The following ABCC9 variants were observed in gnomAD, a reference collection of about 807,000 sequenced individuals.
ABCC9 encodes the protein ATP-binding cassette sub-family C member 9.
In ABCC9, 95 loss-of-function variants were observed where a neutral mutation model predicts 188.3. That is an observed-to-expected ratio of 0.50 (90% confidence interval 0.43 to 0.60). The LOEUF is 0.60. ABCC9 is among the 20% of genes least tolerant of loss of function. The pLI is 0.00. For missense variants in ABCC9, 1,102 were observed against 1,876.3 expected (o/e 0.59, Z 7.62); for synonymous variants, 659 against 652.7 (o/e 1.01, Z -0.15).
At chr12:21,842,576 C>T in intron 28 of ABCC9, 105 bp from the exon 29 acceptor site, 1 of 1,133,904 alleles carries the variant, frequency 8.8e-7, no homozygotes. Context: ...AGTTAACTAC[C>T]AAAGTAGTGT....
At chr12:21,898,273 A>T (rs1193328748) in intron 12 of ABCC9, among the ~76,000 whole-genome samples, 1 of 152,240 alleles carries the variant, frequency 6.6e-6, no homozygotes, top group African/African-American at 2.4e-5. Context: ...TACTCTCAAT[A>T]TATCTTTGTT....
intron 14 of ABCC9, among the ~76,000 whole-genome samples, chr12:21,891,000 A>T (rs531245602): frequency 6.6e-6 from 1 of 152,218 alleles, no homozygotes; most frequent in South Asian, 2.1e-4. Flanking sequence ...AAAAATCTTT[A>T]CTGACCAGAT....
intron 36 of ABCC9, among the ~76,000 whole-genome samples, chr12:21,810,593 A>T (rs1942168738): frequency 6.6e-6 from 1 of 152,034 alleles, no homozygotes; most frequent in African/African-American, 2.4e-5. Flanking sequence ...ATCAGATCTC[A>T]TGAGAACTCA....
intron 24 of ABCC9, among the ~76,000 whole-genome samples, chr12:21,850,106 C>A (rs77732183): frequency 1.3e-5 from 2 of 151,190 alleles, no homozygotes; most frequent in African/African-American, 4.9e-5. Context: ...AGCTGGACAA[C>A]GCACTGTTGC....
chr12:21,866,661 A>C (rs1166236330), intron 18 of ABCC9, among the ~76,000 whole-genome samples: 2 of 152,204 alleles, frequency 1.3e-5, no homozygotes, highest in Non-Finnish European at 2.9e-5. Context: ...TAATAAATGC[A>C]AGGGTCACGG....
chr12:21,853,289 C>T (rs1451690862), intron 22 of ABCC9, among the ~76,000 whole-genome samples: 1 of 152,078 alleles, frequency 6.6e-6, no homozygotes, highest in Non-Finnish European at 1.5e-5. Flanking sequence ...GAGATTGCGC[C>T]ACTGCACTCC....
intron 12 of ABCC9, among the ~76,000 whole-genome samples, chr12:21,902,535 A>G (rs1363133778): frequency 6.6e-6 from 1 of 152,180 alleles, no homozygotes; most frequent in East Asian, 1.9e-4. Flanking sequence ...GATCAACAAA[A>G]TAGATAGACC....
intron 7 of ABCC9, among the ~76,000 whole-genome samples, chr12:21,914,151 C>T (rs1282315611): frequency 6.6e-6 from 1 of 152,106 alleles, no homozygotes; most frequent in East Asian, 1.9e-4. Context: ...CATCATTTAC[C>T]ATAAATGTTT....
At chr12:21,907,410 T>C (rs931623163) in intron 11 of ABCC9, among the ~76,000 whole-genome samples, 3 of 152,048 alleles carry the variant, frequency 2.0e-5, no homozygotes, top group Admixed American at 6.6e-5. Flanking sequence ...ATTTTATGCC[T>C]GATTTACAGA....
intron 31 of ABCC9, among the ~76,000 whole-genome samples, chr12:21,821,420 T>C (rs1943031254): frequency 6.6e-6 from 1 of 152,014 alleles, no homozygotes; most frequent in Non-Finnish European, 1.5e-5. Flanking sequence ...TTATTATATA[T>C]ATGTATATAT....
At chr12:21,830,641 A>G (rs910137190) in intron 30 of ABCC9, among the ~76,000 whole-genome samples, 1 of 152,250 alleles carries the variant, frequency 6.6e-6, no homozygotes, top group Non-Finnish European at 1.5e-5. Flanking sequence ...CAGACGCTTG[A>G]TATCTATCCA....
intron 30 of ABCC9, among the ~76,000 whole-genome samples, chr12:21,833,832 G>A (rs549486508): frequency 1.1e-4 from 17 of 152,142 alleles, no homozygotes; most frequent in East Asian, 9.7e-4. Flanking sequence ...AATCTTCTCC[G>A]TTAACTGTCC....
intron 25 of ABCC9, 36 bp downstream of exon 25, chr12:21,848,114 C>T (rs2137413274): frequency 1.3e-6 from 2 of 1,575,752 alleles, no homozygotes; most frequent in Non-Finnish European, 8.7e-7. Context: ...CCTGTTATCC[C>T]ATTAGAATGT....
intron 21 of ABCC9, among the ~76,000 whole-genome samples, chr12:21,860,238 A>G (rs1251805905): frequency 6.6e-6 from 1 of 152,230 alleles, no homozygotes; most frequent in Non-Finnish European, 1.5e-5. Context: ...TGAGGCTCAC[A>G]GAACTTAAGT....
In ABCC9 at chr12:21,852,351, C is replaced by G. The variant is rs151310554; in HGVS notation, c.2643+17G>C. The G allele has an allele frequency of 1.0e-3, 1,649 of 1,613,744 alleles. 9 individuals are homozygous for G. In the African/African-American group the frequency reaches 0.02, roughly 19 times the overall value. ...CTATAATATAAAAATGAGCAAAATT[C>G]TCTTCTAAACTCTTACCCAGTCAGC... On this transcript the variant is annotated intron_variant, in intron 23 of 39. Transcript: ENST00000261200.
chr12:21,815,262 T>G (rs2137169586), intron 34 of ABCC9, among the ~76,000 whole-genome samples: 1 of 151,574 alleles, frequency 6.6e-6, no homozygotes, highest in South Asian at 2.1e-4. Context: ...TATTTTCATG[T>G]GATTGCCTTG....
At chr12:21,855,572 A>C (rs1945181363) in intron 22 of ABCC9, among the ~76,000 whole-genome samples, 1 of 152,152 alleles carries the variant, frequency 6.6e-6, no homozygotes, top group Non-Finnish European at 1.5e-5. Flanking sequence ...TTGAAAGTCC[A>C]TTATCTCTAA....
In ABCC9 at chr12:21,894,100, G is replaced by A; in HGVS notation, c.1734C>T (p.Phe578=). The change falls in exon 14 of 40, where the codon TTC becomes TTT. Residue 578 remains phenylalanine, a synonymous_variant. Coordinates refer to ENST00000261200, the MANE Select transcript of ABCC9 (RefSeq NM_020297.4). ...GGAACAGTGGTGTGACCAGGATATGGAAGAGAGACAGTGAAGCAAAGGCCT... is the reference window on the plus strand; with the variant it reads ...GGAACAGTGGTGTGACCAGGATATGAAAGAGAGACAGTGAAGCAAAGGCCT... ...PAEAFASLSL[F]HILVTPLFLL... 8 of 1,614,054 alleles carry A rather than the reference G, an allele frequency of 5.0e-6. No individual in the cohort carries two copies. Among genetic ancestry groups the A allele is most frequent in the Non-Finnish European group, 6.8e-6 (8 of 1,180,006 alleles).
chr12:21,825,265 C>A (rs1943301744), intron 31 of ABCC9, among the ~76,000 whole-genome samples: 2 of 152,156 alleles, frequency 1.3e-5, no homozygotes, highest in South Asian at 4.1e-4. Context: ...ACCAGAAATA[C>A]CATTTGACCC....
Sources: gnomAD v4.1 joint callset for allele counts (sites outside exome capture counted in the v4.1 genomes callset) on GRCh38, gnomAD v4.1.1 for gene constraint, MANE v1.5 for transcripts, NCBI Gene and HGNC (gene_info 2026-07-23, HGNC 2026-07-21) for gene names.